RAD17: variants seen among roughly 807,000 people sequenced by gnomAD.
The protein encoded by RAD17 is cell cycle checkpoint protein RAD17.
In RAD17, 31 loss-of-function variants were observed where a neutral mutation model predicts 81.5. The observed-to-expected ratio is 0.38, with a 90% CI of 0.29 to 0.51. The LOEUF is 0.51. RAD17 is among the 20% of genes least tolerant of loss of function. RAD17 has a pLI of 0.88. For synonymous variants in RAD17, 261 were observed against 266.2 expected, an observed-to-expected ratio of 0.98 and a Z score of 0.19; for missense variants, 681 against 781.2, an observed-to-expected ratio of 0.87 and a Z score of 1.53.
At chr5:69,377,034 G>A (rs1763378688) in intron 6 of RAD17, among the ~76,000 whole-genome samples, 1 of 152,140 alleles carries the variant, frequency 6.6e-6, no homozygotes, top group Admixed American at 6.6e-5. Context: ...GATTGCAGGT[G>A]TGAGTCATCA....
intron 17 of RAD17, among the ~76,000 whole-genome samples, chr5:69,407,016 T>C (rs1580441160): frequency 6.7e-6 from 1 of 148,610 alleles, no homozygotes; most frequent in African/African-American, 2.5e-5. Context: ...TTTTTTTTTT[T>C]TTTTGAGATG....
intron 3 of RAD17, 119 bp downstream of exon 3, chr5:69,371,676 T>C (rs1763014643): frequency 2.0e-6 from 1 of 503,100 alleles, no homozygotes; most frequent in Non-Finnish European, 3.1e-6. Flanking sequence ...CTATTGTAAT[T>C]AATGATTTAA....
chr5:69,374,183 C>A, intron 5 of RAD17, 96 bp downstream of exon 5: 1 of 1,121,530 alleles, frequency 8.9e-7, no homozygotes, highest in Non-Finnish European at 1.3e-6. Flanking sequence ...AGATTTTTTA[C>A]TCATAAGAAT....
At chr5:69,413,381 G>A (rs1400892567) in intron 18 of RAD17, among the ~76,000 whole-genome samples, 1 of 152,204 alleles carries the variant, frequency 6.6e-6, no homozygotes, top group Non-Finnish European at 1.5e-5. Flanking sequence ...AGAGGTTGCA[G>A]TAAACTGAGA....
intron 6 of RAD17, among the ~76,000 whole-genome samples, chr5:69,377,435 GTGTGTATATATATATATATATA>G (rs1763412253): frequency 4.3e-5 from 1 of 23,060 alleles, no homozygotes; most frequent in Non-Finnish European, 7.6e-5. Flanking sequence ...GTGTGTGTGT[GTGTGTATATATATATATATATA>G]TATATATATA....
intron 1 of RAD17, 79 bp downstream of exon 1, chr5:69,370,012 G>T (rs1171185290): frequency 3.1e-5 from 12 of 388,678 alleles, no homozygotes; most frequent in Admixed American, 4.7e-5. Flanking sequence ...AGCTTTCCTG[G>T]GCTCTCGTCG....
At chr5:69,387,163 A>G (rs2150818282) in intron 11 of RAD17, among the ~76,000 whole-genome samples, 1 of 151,814 alleles carries the variant, frequency 6.6e-6, no homozygotes, top group East Asian at 1.9e-4. Flanking sequence ...GGCTCAAGTG[A>G]TCCTCCCTCC....
At chr5:69,384,568 G>A (rs988180544) in intron 7 of RAD17, among the ~76,000 whole-genome samples, 3 of 152,050 alleles carry the variant, frequency 2.0e-5, no homozygotes, top group Admixed American at 6.5e-5. Flanking sequence ...CACCTGCCTC[G>A]GCCTCCCAAA....
chr5:69,395,228 T>A (rs1764808712), intron 15 of RAD17, among the ~76,000 whole-genome samples: 1 of 152,150 alleles, frequency 6.6e-6, no homozygotes, highest in Non-Finnish European at 1.5e-5. Flanking sequence ...GATAGTACAA[T>A]GAGCCAGGAG....
At chr5:69,397,889 G>A (rs528148360) in intron 16 of RAD17, among the ~76,000 whole-genome samples, 3 of 152,202 alleles carry the variant, frequency 2.0e-5, no homozygotes, top group African/African-American at 4.8e-5. Context: ...AGGCTGAGGC[G>A]GGCAGATCAC....
At chr5:69,369,987 CT>C in intron 1 of RAD17, 54 bp downstream of exon 1, 1 of 445,088 alleles carries the variant, frequency 2.2e-6, no homozygotes, top group Non-Finnish European at 4.0e-6. Context: ...AGACGTGAGT[CT>C]ATCTCTGCCT....
intron 16 of RAD17, among the ~76,000 whole-genome samples, chr5:69,399,019 A>T (rs1015773575): frequency 2.0e-5 from 3 of 152,026 alleles, no homozygotes; most frequent in Non-Finnish European, 4.4e-5. Context: ...TAAAAAAAAA[A>T]ATAATAAAAA....
At chr5:69,385,690 T>C (rs1764168843) in intron 8 of RAD17, among the ~76,000 whole-genome samples, 1 of 152,220 alleles carries the variant, frequency 6.6e-6, no homozygotes, top group Non-Finnish European at 1.5e-5. Flanking sequence ...GGCTTTGTAA[T>C]AGTAGAAACC....
At chr5:69,413,971 G>A (rs1766206018) in intron 18 of RAD17, 60 bp from the exon 19 acceptor site, 1 of 1,562,496 alleles carries the variant, frequency 6.4e-7, no homozygotes, top group Admixed American at 1.8e-5. Flanking sequence ...CACACTCATG[G>A]TGTAATTTAA....
intron 18 of RAD17, among the ~76,000 whole-genome samples, chr5:69,413,744 A>G (rs1179598558): frequency 2.0e-5 from 3 of 152,194 alleles, no homozygotes; most frequent in Admixed American, 6.5e-5. Context: ...CATGTTGGCC[A>G]GGCTGGTCTT....
intron 17 of RAD17, among the ~76,000 whole-genome samples, chr5:69,403,565 T>C (rs982506840): frequency 6.6e-6 from 1 of 152,224 alleles, no homozygotes; most frequent in African/African-American, 2.4e-5. Flanking sequence ...CTTCATTGTA[T>C]CAAAGTAGAT....
upstream of RAD17, chr5:69,369,812 G>C: frequency 8.6e-7 from 1 of 1,157,336 alleles, no homozygotes; most frequent in Non-Finnish European, 1.2e-6. Context: ...AGGTCCCCGG[G>C]AGGCCGTACC....
intron 8 of RAD17, 36 bp downstream of exon 8, chr5:69,384,969 T>C (rs1764092492): frequency 6.6e-7 from 1 of 1,509,664 alleles, no homozygotes; most frequent in Non-Finnish European, 8.9e-7. Flanking sequence ...TTTTTTTTTT[T>C]TTGAAATGGA....
At chr5:69,369,732 G>C (rs1013970336), upstream of RAD17, 6 of 1,545,998 alleles carry the variant, frequency 3.9e-6, no homozygotes, top group African/African-American at 5.5e-5. Flanking sequence ...GGGTCAGGCA[G>C]TGCGCTGGAT....
Sources: allele counts gnomAD v4.1 joint callset (sites outside exome capture counted in the v4.1 genomes callset), GRCh38; gene constraint gnomAD v4.1.1; transcripts MANE v1.5; gene names NCBI Gene and HGNC (gene_info 2026-07-23, HGNC 2026-07-21).